The following TMEM132C variants were observed in gnomAD, a reference collection of about 807,000 sequenced individuals.
The protein encoded by TMEM132C is protein phosphatase 1, regulatory subunit 152.
In TMEM132C, 29 loss-of-function variants were observed where a neutral mutation model predicts 61.4. That is an observed-to-expected ratio of 0.47 (90% confidence interval 0.35 to 0.64). The LOEUF (loss-of-function observed/expected upper bound fraction) is 0.64, where lower values mean the gene tolerates loss of function less well. TMEM132C is among the 30% of genes least tolerant of loss of function. The pLI is 0.00. For missense variants in TMEM132C, 1,408 were observed against 1,476.9 expected (o/e 0.95, Z 0.76); for synonymous variants, 656 against 633.1 (o/e 1.04, Z -0.54).
intron 3 of TMEM132C, among the ~76,000 whole-genome samples, chr12:128,599,570 A>C (rs1303367547): frequency 6.6e-6 from 1 of 152,246 alleles, no homozygotes; most frequent in African/African-American, 2.4e-5. Flanking sequence ...CTGTGGCTGC[A>C]CATAGGGATA....
chr12:128,616,043 C>T (rs1036202021), intron 3 of TMEM132C, 109 bp from the exon 4 acceptor site: 5 of 1,338,226 alleles, frequency 3.7e-6, no homozygotes, highest in Non-Finnish European at 5.0e-6. Flanking sequence ...AACCCTGGAG[C>T]CATCCCTGAG....
chr12:128,287,621 G>A (rs1358355346), intron 1 of TMEM132C, among the ~76,000 whole-genome samples: 1 of 152,026 alleles, frequency 6.6e-6, no homozygotes, highest in Non-Finnish European at 1.5e-5. Flanking sequence ...TTAAAATAAG[G>A]CAATTCTCTG....
intron 3 of TMEM132C, among the ~76,000 whole-genome samples, chr12:128,571,184 TC>T (rs1874868221): frequency 6.6e-6 from 1 of 152,184 alleles, no homozygotes; most frequent in Non-Finnish European, 1.5e-5. Context: ...ACTTGGAAAC[TC>T]TCTGTGTCCT....
intron 3 of TMEM132C, among the ~76,000 whole-genome samples, chr12:128,591,444 G>A (rs190451797): frequency 2.1e-4 from 32 of 152,180 alleles, no homozygotes; most frequent in African/African-American, 7.2e-4. Flanking sequence ...TTTGTATGGC[G>A]GAGTAACATC....
rs560279890 is a variant in TMEM132C, at chr12:128,671,380, A to G, written c.1449+1820A>G. Among the ~76,000 whole-genome samples the G allele has an allele frequency of 3.3e-4, 51 of 152,272 alleles. 1 individual carries two copies. The highest frequency in any genetic ancestry group is 6.2e-4 in the South Asian group (3 of 4,816). On this transcript the variant is annotated intron_variant, in intron 5 of 8. Coordinates refer to ENST00000435159, the MANE Select transcript of TMEM132C (RefSeq NM_001136103.3). Reference sequence around the variant, plus strand: ...CAATGCTTGCTTAAAGAATAAGGCGATGTGAGGGCTTTACCAAGCCAGAAA... The same window carrying G: ...CAATGCTTGCTTAAAGAATAAGGCGGTGTGAGGGCTTTACCAAGCCAGAAA...
At chr12:128,662,342 A>G (rs866532077) in intron 4 of TMEM132C, among the ~76,000 whole-genome samples, 21 of 152,310 alleles carry the variant, frequency 1.4e-4, no homozygotes, top group African/African-American at 4.1e-4. Flanking sequence ...TTTGTTCCAA[A>G]CCCTGACAGG....
At chr12:128,543,263 G>A (rs979881030) in intron 2 of TMEM132C, among the ~76,000 whole-genome samples, 2 of 152,144 alleles carry the variant, frequency 1.3e-5, no homozygotes, top group Non-Finnish European at 2.9e-5. Flanking sequence ...TATGCCTGGC[G>A]CTGCTCTTGT....
chr12:128,577,627 A>AC (rs1003946443), intron 3 of TMEM132C, among the ~76,000 whole-genome samples: 2 of 152,216 alleles, frequency 1.3e-5, no homozygotes, highest in Admixed American at 1.3e-4. Context: ...GCCTCTCGCC[A>AC]CCGGTGCACT....
At chr12:128,347,393 G>GTCTCTCTCTCTCTC (rs1330764900) in intron 1 of TMEM132C, among the ~76,000 whole-genome samples, 30 of 116,778 alleles carry the variant, frequency 2.6e-4, no homozygotes, top group African/African-American at 1.1e-3. Context: ...GCATGCATAT[G>GTCTCTCTCTCTCTC]TATGTCTCTC....
intron 3 of TMEM132C, among the ~76,000 whole-genome samples, chr12:128,569,339 T>C (rs761100267): frequency 2.0e-5 from 3 of 152,204 alleles, no homozygotes; most frequent in Non-Finnish European, 4.4e-5. Context: ...TATCTGGGTC[T>C]GACAGGCCTT....
intron 5 of TMEM132C, among the ~76,000 whole-genome samples, chr12:128,687,042 C>A (rs934771085): frequency 6.6e-6 from 1 of 151,630 alleles, no homozygotes; most frequent in Non-Finnish European, 1.5e-5. Flanking sequence ...ACTAAAAAAA[C>A]AGTACAAAAA....
In TMEM132C at chr12:128,336,876, C is replaced by T. The variant is rs79717881; in HGVS notation, c.85+69389C>T. ...CAAGGCAAGAGAGGCTTCCTGGAGG[C>T]AGTGTTTCAGAACAAGGAGTGTGTT... On this transcript the variant is annotated intron_variant, in intron 1 of 8. Transcript: ENST00000435159. Among the ~76,000 whole-genome samples, 1,289 of 152,262 alleles carry T rather than the reference C, an allele frequency of 8.5e-3. 19 individuals carry two copies. The highest frequency in any genetic ancestry group is 0.03 in the African/African-American group (1,228 of 41,548).
intron 5 of TMEM132C, among the ~76,000 whole-genome samples, chr12:128,678,833 G>A (rs545056737): frequency 1.3e-5 from 2 of 152,270 alleles, no homozygotes; most frequent in East Asian, 1.9e-4. Context: ...GAGAAGTCCC[G>A]CCCTAGGCCG....
intron 4 of TMEM132C, among the ~76,000 whole-genome samples, chr12:128,617,650 A>ATCAGGTGGGGCAGGTGTAGAG (rs1412071905): frequency 6.6e-6 from 1 of 151,906 alleles, no homozygotes. Context: ...CAGGTGTGGA[A>ATCAGGTGGGGCAGGTGTAGAG]TCAGGTGGGG....
chr12:128,579,560 A>G (rs559140177), intron 3 of TMEM132C, among the ~76,000 whole-genome samples: 3 of 152,176 alleles, frequency 2.0e-5, no homozygotes, highest in Admixed American at 1.3e-4. Flanking sequence ...TGCACATTAC[A>G]TAGTAGGAAA....
chr12:128,368,687 G>A (rs543655094), intron 1 of TMEM132C, among the ~76,000 whole-genome samples: 12 of 152,326 alleles, frequency 7.9e-5, no homozygotes, highest in African/African-American at 2.4e-4. Flanking sequence ...AAAGCATCTT[G>A]TCTCTCCACA....
chr12:128,315,265 G>A (rs147926680), intron 1 of TMEM132C, among the ~76,000 whole-genome samples: 45 of 152,290 alleles, frequency 3.0e-4, no homozygotes, highest in Middle Eastern at 3.4e-3. Context: ...CTGCCCCAGC[G>A]TCAGTGTGTG....
rs1339372524 is a variant in TMEM132C, at chr12:128,705,320, C to A, written c.2352C>A (p.Arg784=). ...TIAEACQKSK[R]KSILAVGVGN... ...CCGAGGCCTGCCAGAAATCTAAACG[C>A]AAGAGCATCCTGGCTGTGGGCGTCG... Residue 784 remains arginine (R), a synonymous_variant, in exon 9 of 9, where the codon CGC becomes CGA. Coordinates refer to ENST00000435159, the MANE Select transcript of TMEM132C (RefSeq NM_001136103.3). 2 of 1,551,286 alleles carry A rather than the reference C, an allele frequency of 1.3e-6. No homozygotes were observed. Among genetic ancestry groups the A allele is most frequent in the Admixed American group, 2.0e-5 (1 of 50,974 alleles).
chr12:128,415,569 C>A lies in TMEM132C; in HGVS notation c.923C>A (p.Thr308Lys), dbSNP rs770273657. ...CCAGTCAAGCAGGGAGAGGTGGTCA[C>A]GGCCTATGTCACCATCTCGAGCAAT... is the stretch of plus-strand genomic sequence containing the variant. ...SRPVKQGEVV[T>K]AYVTISSNSS... The change falls in exon 2 of 9, where the codon ACG (threonine) becomes AAG (lysine). Residue 308 changes from threonine (T) to lysine (K), a missense_variant. Thr to Lys is a moderately conservative substitution (Grantham distance 78, BLOSUM62 -1). Transcript: ENST00000435159. This position sits in a 1 kb window ranked among gnomAD's most constrained non-coding sequence, Gnocchi z 5.8. The A allele has an allele frequency of 4.5e-6, 7 of 1,549,826 alleles. No homozygotes were observed. Among genetic ancestry groups the A allele is most frequent in the Non-Finnish European group, 5.2e-6 (6 of 1,146,246 alleles).
Sources: gnomAD v4.1 joint callset for allele counts (sites outside exome capture counted in the v4.1 genomes callset) on GRCh38, gnomAD v4.1.1 for gene constraint, Gnocchi (gnomAD v3.1) non-coding constraint, MANE v1.5 for transcripts, NCBI Gene and HGNC (gene_info 2026-07-23, HGNC 2026-07-21) for gene names.